ARHGEF18: variants seen among roughly 807,000 people sequenced by gnomAD.
ARHGEF18 encodes the protein Rho/Rac guanine nucleotide exchange factor 18, also known as rho guanine nucleotide exchange factor 18.
Under a neutral mutation model 155.7 loss-of-function variants are expected in ARHGEF18, and 93 were observed. The observed-to-expected ratio is 0.60, with a 90% CI of 0.50 to 0.71. The LOEUF (loss-of-function observed/expected upper bound fraction) is 0.71, where lower values mean the gene tolerates loss of function less well. Ranked by LOEUF, ARHGEF18 falls within the 30% of genes least tolerant of loss-of-function variation. The pLI is 0.00. For missense variants in ARHGEF18, 1,593 were observed against 1,816.1 expected (o/e 0.88, Z 2.23); for synonymous variants, 742 against 753.1 (o/e 0.99, Z 0.24).
At chr19:7,476,109 A>C (rs1977221739), downstream of ARHGEF18, among the ~76,000 whole-genome samples, 1 of 152,226 alleles carries the variant, frequency 6.6e-6, no homozygotes, top group Non-Finnish European at 1.5e-5. Context: ...CCAGGAGTTC[A>C]AGACCAGCCT....
At chr19:7,450,248 G>A (rs574666126) in intron 15 of ARHGEF18, among the ~76,000 whole-genome samples, 2,422 of 145,460 alleles carry the variant, frequency 0.017, 149 homozygotes, top group Admixed American at 0.13. Flanking sequence ...GTTAATACAG[G>A]CTCTTGCTGT....
At chr19:7,410,927 G>T (rs941887978) in intron 10 of ARHGEF18, among the ~76,000 whole-genome samples, 2 of 151,286 alleles carry the variant, frequency 1.3e-5, no homozygotes, top group African/African-American at 2.5e-5. Flanking sequence ...AAGGCCTCAG[G>T]GGGTGGAATA....
chr19:7,366,764 TTTAA>T (rs1969904749), intron 2 of ARHGEF18, among the ~76,000 whole-genome samples: 1 of 152,134 alleles, frequency 6.6e-6, no homozygotes, highest in African/African-American at 2.4e-5. Flanking sequence ...TTTTATGTAA[TTTAA>T]TTATTTATTT....
intron 10 of ARHGEF18, among the ~76,000 whole-genome samples, chr19:7,399,671 T>G (rs1263777136): frequency 1.3e-5 from 2 of 151,730 alleles, no homozygotes; most frequent in Non-Finnish European, 2.9e-5. Context: ...TAGTAGAGAT[T>G]GGGTTTCACC....
At chr19:7,446,910 AAG>A (rs370339049) in intron 14 of ARHGEF18, 131 bp from the exon 15 acceptor site, 16,235 of 1,006,564 alleles carry the variant, frequency 0.016, 154 homozygotes, top group East Asian at 0.066. Flanking sequence ...AAAAAAAAAA[AAG>A]AAGAAGAAAG....
the ARHGEF18 span, among the ~76,000 whole-genome samples, chr19:7,478,125 C>T: frequency 6.6e-5 from 10 of 152,252 alleles, no homozygotes; most frequent in African/African-American, 2.4e-4. Flanking sequence ...GCCCTGGAGT[C>T]CCCGCTCAAG....
At chr19:7,369,811 A>C (rs1476706958) in intron 2 of ARHGEF18, among the ~76,000 whole-genome samples, 2 of 151,996 alleles carry the variant, frequency 1.3e-5, no homozygotes, top group African/African-American at 4.8e-5. Context: ...AAATTAAAAG[A>C]AAGAAAGAAA....
intron 10 of ARHGEF18, among the ~76,000 whole-genome samples, chr19:7,429,964 A>G (rs1221045051): frequency 6.7e-6 from 1 of 148,382 alleles, no homozygotes; most frequent in African/African-American, 2.5e-5. Context: ...GCCTCAATAT[A>G]CTTTTTTTTT....
In ARHGEF18 at chr19:7,441,989, G is replaced by A. The variant is rs774956696; in HGVS notation, c.1297G>A (p.Val433Met). 26 of 1,614,112 alleles carry A rather than the reference G, an allele frequency of 1.6e-5. No individual in the cohort carries two copies. Among genetic ancestry groups the A allele is most frequent in the South Asian group, 1.5e-4 (14 of 91,084 alleles). ...TGAAGCTGAGTCCTGGAGCCTCGCC[G>A]TGGATGCAGCCTACGCCAAGAAGCA... ...EFEAESWSLA[V>M]DAAYAKKQKR... The change falls in exon 13 of 29, where the codon GTG (valine) becomes ATG (methionine). Residue 433 changes from valine to methionine, a missense_variant. Physicochemically the swap from Val to Met is conservative, Grantham distance 21. Coordinates refer to ENST00000668164, the MANE Select transcript of ARHGEF18 (RefSeq NM_001367823.1).
intron 10 of ARHGEF18, among the ~76,000 whole-genome samples, chr19:7,433,507 CA>C (rs35825715): frequency 0.35 from 20,056 of 56,886 alleles, 893 homozygotes; most frequent in African/African-American, 0.4. Flanking sequence ...ACTCCGTCTC[CA>C]AAAAAAAAAA....
intron 1 of ARHGEF18, among the ~76,000 whole-genome samples, chr19:7,352,279 C>T (rs544806539): frequency 2.6e-5 from 4 of 151,822 alleles, no homozygotes; most frequent in Admixed American, 6.6e-5. Flanking sequence ...ATTTTGCTCT[C>T]GGTGAGGGCT....
At position 7,428,765 on chromosome 19, in the gene ARHGEF18, T is replaced by G. The variant is rs574986927; in HGVS notation, c.968-11579T>G. On this transcript the variant is annotated intron_variant, in intron 10 of 28. Transcript: ENST00000668164. ...ACCCTGGGCCCCTGCAGGTCGAACC[T>G]TTGGGTGCCCTCCCTGATCTCTCTC... is the stretch of plus-strand genomic sequence containing the variant. Among the ~76,000 whole-genome samples, 4 of 152,274 alleles carry G rather than the reference T, an allele frequency of 2.6e-5. No individual in the cohort carries two copies. The South Asian group carries it at 8.3e-4, about 32-fold the overall frequency.
intron 10 of ARHGEF18, among the ~76,000 whole-genome samples, chr19:7,438,083 C>G (rs1453562934): frequency 7.2e-6 from 1 of 139,740 alleles, no homozygotes; most frequent in African/African-American, 2.7e-5. Flanking sequence ...CCCTCCCCTC[C>G]CTTCCCCTCT....
At chr19:7,413,141 A>G (rs545594624) in intron 10 of ARHGEF18, among the ~76,000 whole-genome samples, 16 of 152,128 alleles carry the variant, frequency 1.1e-4, no homozygotes, top group African/African-American at 3.9e-4. Context: ...AGATATTAAG[A>G]TAGTTATGGG....
At chr19:7,421,761 CA>C (rs1009226460) in intron 10 of ARHGEF18, among the ~76,000 whole-genome samples, 4 of 152,028 alleles carry the variant, frequency 2.6e-5, no homozygotes, top group African/African-American at 9.7e-5. Flanking sequence ...CACTCCGCCT[CA>C]AAAATAAAGA....
chr19:7,422,140 C>T (rs990937303), intron 10 of ARHGEF18, among the ~76,000 whole-genome samples: 3 of 152,232 alleles, frequency 2.0e-5, no homozygotes, highest in Non-Finnish European at 2.9e-5. Flanking sequence ...TCTCTGTCCC[C>T]GTCTAATCAT....
At chr19:7,388,270 T>A (rs1401621353) in intron 10 of ARHGEF18, among the ~76,000 whole-genome samples, 1 of 151,990 alleles carries the variant, frequency 6.6e-6, no homozygotes, top group Non-Finnish European at 1.5e-5. Context: ...TTAGATTTTT[T>A]AAAAATAGAG....
At chr19:7,426,372 G>A (rs1263874403) in intron 10 of ARHGEF18, among the ~76,000 whole-genome samples, 1 of 149,294 alleles carries the variant, frequency 6.7e-6, no homozygotes, top group Non-Finnish European at 1.5e-5. Flanking sequence ...CTGTCGTCCC[G>A]GCTACTCAGG....
At chr19:7,420,259 G>C (rs1973274320) in intron 10 of ARHGEF18, among the ~76,000 whole-genome samples, 1 of 152,104 alleles carries the variant, frequency 6.6e-6, no homozygotes, top group Admixed American at 6.6e-5. Context: ...ACCACGGCCA[G>C]CTGAGCAATT....
Sources: allele counts gnomAD v4.1 joint callset (sites outside exome capture counted in the v4.1 genomes callset), GRCh38; gene constraint gnomAD v4.1.1; transcripts MANE v1.5; gene names NCBI Gene and HGNC (gene_info 2026-07-23, HGNC 2026-07-21).